The following HYCC2 variants were observed in gnomAD, a reference collection of about 807,000 sequenced individuals.
HYCC2 encodes the protein hyccin PI4KA lipid kinase complex subunit 2.
At chr2:201,000,076 A>AG in the HYCC2 span, among the ~76,000 whole-genome samples, 7 of 145,904 alleles carry the variant, frequency 4.8e-5, no homozygotes, top group African/African-American at 1.5e-4. Context: ...AAAAAAAAAA[A>AG]AAAAGAAATA....
chr2:200,998,284 T>C, the HYCC2 span, among the ~76,000 whole-genome samples: 1 of 152,202 alleles, frequency 6.6e-6, no homozygotes, highest in Admixed American at 6.5e-5. Context: ...GCTGTAACCA[T>C]TCAGAATCCC....
the HYCC2 span, among the ~76,000 whole-genome samples, chr2:201,058,219 T>C: frequency 6.6e-6 from 1 of 152,156 alleles, no homozygotes. Flanking sequence ...CTCCTTCCTC[T>C]TCACACAGAA....
At chr2:201,004,800 G>A in the HYCC2 span, among the ~76,000 whole-genome samples, 2 of 152,094 alleles carry the variant, frequency 1.3e-5, no homozygotes, top group African/African-American at 2.4e-5. Context: ...GGTGGATCAC[G>A]AGGTCAGGAG....
At chr2:201,036,955 T>G in the HYCC2 span, among the ~76,000 whole-genome samples, 2 of 152,220 alleles carry the variant, frequency 1.3e-5, no homozygotes, top group Non-Finnish European at 2.9e-5. Context: ...GAAGTCAAAT[T>G]GTCCCTGTTT....
At chr2:201,010,681 A>G in the HYCC2 span, among the ~76,000 whole-genome samples, 1 of 152,194 alleles carries the variant, frequency 6.6e-6, no homozygotes, top group Admixed American at 6.5e-5. Context: ...TTATTTTCCT[A>G]GAATAATAAA....
At chr2:201,037,549 G>T in the HYCC2 span, among the ~76,000 whole-genome samples, 1 of 152,156 alleles carries the variant, frequency 6.6e-6, no homozygotes, top group Non-Finnish European at 1.5e-5. Context: ...GAGAGATATA[G>T]ACCAATGGAA....
At chr2:201,017,753 T>A in the HYCC2 span, among the ~76,000 whole-genome samples, 1 of 152,206 alleles carries the variant, frequency 6.6e-6, no homozygotes, top group Admixed American at 6.5e-5. Context: ...ATGTAAATCA[T>A]TTGTTACTTA....
At chr2:201,065,155 C>G in the HYCC2 span, among the ~76,000 whole-genome samples, 1 of 152,194 alleles carries the variant, frequency 6.6e-6, no homozygotes, top group Non-Finnish European at 1.5e-5. Context: ...ATGGCAACCA[C>G]GAATCTGTTC....
the HYCC2 span, among the ~76,000 whole-genome samples, chr2:201,036,743 T>C: frequency 6.6e-6 from 1 of 152,138 alleles, no homozygotes; most frequent in African/African-American, 2.4e-5. Flanking sequence ...ATGGAACATA[T>C]CTCAAAATAA....
At chr2:201,023,944 T>C in the HYCC2 span, 1 of 1,599,026 alleles carries the variant, frequency 6.3e-7, no homozygotes, top group Non-Finnish European at 8.6e-7. Context: ...CATTCTGATC[T>C]CCAATCCAAT....
At chr2:200,993,285 C>T in the HYCC2 span, among the ~76,000 whole-genome samples, 1 of 152,178 alleles carries the variant, frequency 6.6e-6, no homozygotes, top group Admixed American at 6.5e-5. Flanking sequence ...CTTTCGCAAT[C>T]ATCCTTCTTT....
the HYCC2 span, among the ~76,000 whole-genome samples, chr2:200,999,751 G>A: frequency 6.7e-6 from 1 of 150,116 alleles, no homozygotes; most frequent in Non-Finnish European, 1.5e-5. Context: ...AACTCTACTA[G>A]GATGAAAAAG....
chr2:201,059,594 G>T, the HYCC2 span, among the ~76,000 whole-genome samples: 2 of 152,120 alleles, frequency 1.3e-5, no homozygotes, highest in Admixed American at 6.6e-5. Context: ...TCACAGAGCA[G>T]GGAATAGTTT....
chr2:200,987,085 T>C, the HYCC2 span, among the ~76,000 whole-genome samples: 2 of 152,170 alleles, frequency 1.3e-5, no homozygotes, highest in Non-Finnish European at 2.9e-5. Context: ...TTTGCAGACC[T>C]TTTGGAGACA....
At chr2:200,981,642 C>T in the HYCC2 span, 1 of 1,614,142 alleles carries the variant, frequency 6.2e-7, no homozygotes, top group East Asian at 2.2e-5. The surrounding 1 kb of genome is among the most constrained non-coding windows in gnomAD (Gnocchi z 4.5). Flanking sequence ...GCTGTACATA[C>T]TGCTTGCGAA....
At chr2:201,036,450 T>A in the HYCC2 span, among the ~76,000 whole-genome samples, 2 of 151,988 alleles carry the variant, frequency 1.3e-5, no homozygotes, top group Admixed American at 1.3e-4. Flanking sequence ...AAAAAGAAAA[T>A]TTTAGACCAA....
chr2:201,037,937 C>G, the HYCC2 span, among the ~76,000 whole-genome samples: 1 of 152,156 alleles, frequency 6.6e-6, no homozygotes, highest in Admixed American at 6.5e-5. Context: ...AAAGAAACTA[C>G]CATCAGAGTG....
At chr2:200,999,928 C>T in the HYCC2 span, among the ~76,000 whole-genome samples, 17 of 150,572 alleles carry the variant, frequency 1.1e-4, 1 homozygote, top group East Asian at 1.4e-3. Context: ...CATGGTGGCG[C>T]GCGCCTGTAG....
chr2:200,984,048 A>AT, the HYCC2 span, among the ~76,000 whole-genome samples: 473 of 151,070 alleles, frequency 3.1e-3, 2 homozygotes, highest in African/African-American at 0.011. Flanking sequence ...TATTTTTATT[A>AT]TTTTTTTTTG....
Sources: allele counts gnomAD v4.1 joint callset (sites outside exome capture counted in the v4.1 genomes callset), GRCh38; gene constraint gnomAD v4.1.1; non-coding constraint Gnocchi (gnomAD v3.1); transcripts MANE v1.5; gene names NCBI Gene and HGNC (gene_info 2026-07-23, HGNC 2026-07-21).